Variants in NDST1 observed in about 807,000 individuals in gnomAD.
NDST1 encodes N-deacetylase and N-sulfotransferase 1.
Under a neutral mutation model 92.8 loss-of-function variants are expected in NDST1, and 35 were observed. The ratio of observed to expected loss-of-function variants is 0.38; its 90% CI spans 0.29 to 0.50. NDST1 has a LOEUF of 0.50. Ranked by LOEUF, NDST1 falls within the 20% of genes least tolerant of loss-of-function variation. The pLI, the probability that NDST1 is intolerant of heterozygous loss-of-function variation, is 0.94. For missense variants in NDST1, 822 were observed against 1,182.7 expected (o/e 0.69, Z 4.47); for synonymous variants, 493 against 500.3 (o/e 0.99, Z 0.19).
intron 5 of NDST1, chr5:150,535,444 G>A (rs944498714): frequency 6.2e-5 from 59 of 959,144 alleles, no homozygotes; most frequent in Non-Finnish European, 6.7e-5. Flanking sequence ...TGAGTCCTTT[G>A]TGCTAGAGGC....
chr5:150,545,225 A>G, intron 10 of NDST1, 87 bp from the exon 11 acceptor site: 1 of 1,474,776 alleles, frequency 6.8e-7, no homozygotes, highest in East Asian at 2.3e-5. Flanking sequence ...AGGACATTCT[A>G]CCCCAGTGCC....
chr5:150,524,125 A>T (rs770750514), intron 2 of NDST1, among the ~76,000 whole-genome samples: 1 of 152,166 alleles, frequency 6.6e-6, no homozygotes, highest in Non-Finnish European at 1.5e-5. Context: ...GACAGGTTCA[A>T]ATCTCTCTGT....
intron 1 of NDST1, among the ~76,000 whole-genome samples, chr5:150,515,355 C>T (rs907558684): frequency 3.3e-5 from 5 of 152,320 alleles, no homozygotes; most frequent in East Asian, 1.9e-4. Context: ...ATGTTGCTAA[C>T]GAATCCCAAA....
intron 1 of NDST1, among the ~76,000 whole-genome samples, chr5:150,515,765 T>C (rs1490864394): frequency 6.6e-6 from 1 of 152,154 alleles, no homozygotes; most frequent in Non-Finnish European, 1.5e-5. Flanking sequence ...CTTGAGGCCT[T>C]GGTGGCTGCA....
rs1157713865 is a variant in NDST1, at chr5:150,555,270, G to A, written c.*1938G>A. The A allele has an allele frequency of 6.5e-6, 1 of 152,998 alleles. No individual in the cohort carries two copies. 9.5% of individuals were successfully genotyped at this position (152,998 alleles called of 1,614,324 possible). A position where few individuals can be genotyped will look rare whatever the true frequency, so the allele number is the denominator to read the frequency against. On this transcript the variant is annotated 3_prime_UTR_variant, in exon 15 of 15. Coordinates refer to ENST00000261797, the MANE Select transcript of NDST1 (RefSeq NM_001543.5). Reference sequence around the variant, plus strand: ...ACTCCTTCCCAGCCAGGGTGCCTTTGAGCCTTCTCATTCCGAGGTCTGCGT... The same window carrying A: ...ACTCCTTCCCAGCCAGGGTGCCTTTAAGCCTTCTCATTCCGAGGTCTGCGT...
chr5:150,504,561 C>T (rs1303658617), upstream of NDST1, among the ~76,000 whole-genome samples: 1 of 152,192 alleles, frequency 6.6e-6, no homozygotes, highest in African/African-American at 2.4e-5. Context: ...CTGTCCCCTC[C>T]ACTGACTGCC....
chr5:150,545,643 C>T (rs1194587325), intron 11 of NDST1, among the ~76,000 whole-genome samples, 157 bp downstream of exon 11: 1 of 152,218 alleles, frequency 6.6e-6, no homozygotes, highest in African/African-American at 2.4e-5. Flanking sequence ...GAATAGAGTC[C>T]TTGGTGGAGG....
chr5:150,526,246 C>CT (rs1364807327), intron 2 of NDST1, among the ~76,000 whole-genome samples: 1 of 152,228 alleles, frequency 6.6e-6, no homozygotes, highest in Non-Finnish European at 1.5e-5. Context: ...TGAACCTCCT[C>CT]TGTGTAGCAT....
chr5:150,532,727 A>G (rs1754801991), intron 3 of NDST1, among the ~76,000 whole-genome samples: 1 of 152,026 alleles, frequency 6.6e-6, no homozygotes, highest in Non-Finnish European at 1.5e-5. Context: ...GGGTTTTGCC[A>G]TGTTGGCCAG....
At position 150,528,201 on chromosome 5, in the gene NDST1, A is replaced by G; in HGVS notation, c.911A>G (p.Lys304Arg). ...GATGCCGTGGCCTTCCTCACGGGGA[A>G]GCGCCTCTCCCTGCCATTGGACCGC... ...FVDAVAFLTG[K>R]RLSLPLDRYI... The change falls in exon 3 of 15, where the codon AAG (lysine) becomes AGG (arginine). Residue 304 changes from lysine (K) to arginine (R), a missense_variant. Transcript: ENST00000261797. 16 of 1,614,188 alleles carry G rather than the reference A, an allele frequency of 9.9e-6. No individual in the cohort carries two copies. The highest frequency in any genetic ancestry group is 1.4e-5 in the Non-Finnish European group (16 of 1,180,018).
In NDST1 at chr5:150,522,282, T is replaced by A. The variant is rs564940370; in HGVS notation, c.513+515T>A. 1.1e-4 allele frequency among the ~76,000 whole-genome samples: 17 copies of A among 152,138 alleles called. No individual in the cohort carries two copies. The East Asian group carries it at 3.1e-3, about 28-fold the overall frequency. ...TGGTGGTGGTGGAGTATGGCGTTAA[T>A]ATACCTCCTGACCCAGAGCCATTTT... On this transcript the variant is annotated intron_variant, in intron 2 of 14. Coordinates refer to ENST00000261797, the MANE Select transcript of NDST1 (RefSeq NM_001543.5).
intron 6 of NDST1, among the ~76,000 whole-genome samples, chr5:150,536,497 C>T (rs1006484253): frequency 6.6e-6 from 1 of 150,442 alleles, no homozygotes; most frequent in African/African-American, 2.5e-5. Flanking sequence ...CAAAGTGAGA[C>T]TCTGTCTCAA....
At position 150,551,632 on chromosome 5, in the gene NDST1, G is replaced by A. The variant is rs1432386762; in HGVS notation, c.2427-121G>A. 2.5e-5 allele frequency: 31 copies of A among 1,261,274 alleles called. No homozygotes were observed. In the South Asian group the frequency reaches 3.6e-4, roughly 15 times the overall value. The allele number at this position is 1,261,274 out of a possible 1,614,324, so 78.1% of individuals were successfully genotyped here. A position where few individuals can be genotyped will look rare whatever the true frequency, so the allele number is the denominator to read the frequency against. ...TGGCACATAGCTTCTGACAGTCCAT[G>A]TGGGTTCAAGAGCAGTAGATTCCCT... On this transcript the variant is annotated intron_variant, in intron 13 of 14. Coordinates refer to ENST00000261797, the MANE Select transcript of NDST1 (RefSeq NM_001543.5).
At chr5:150,499,067 C>T (rs1753119016) in intron 1 of NDST1, among the ~76,000 whole-genome samples, 1 of 152,238 alleles carries the variant, frequency 6.6e-6, no homozygotes, top group Non-Finnish European at 1.5e-5. Context: ...AGGAAGCCTT[C>T]CAAGGTACCT....
At chr5:150,530,909 T>C (rs892395623) in intron 3 of NDST1, among the ~76,000 whole-genome samples, 1 of 152,164 alleles carries the variant, frequency 6.6e-6, no homozygotes, top group Non-Finnish European at 1.5e-5. Flanking sequence ...TTTGAAGCCA[T>C]TTCTATAGAA....
chr5:150,510,210 T>C (rs1210594086), intron 1 of NDST1, among the ~76,000 whole-genome samples: 1 of 152,220 alleles, frequency 6.6e-6, no homozygotes, highest in Non-Finnish European at 1.5e-5. Context: ...TTGAGCGTGA[T>C]GGAGCAGGTA....
At position 150,528,018 on chromosome 5, in the gene NDST1, C is replaced by T. The variant is rs149727326; in HGVS notation, c.728C>T (p.Thr243Met). 65 of 1,613,552 alleles carry T rather than the reference C, an allele frequency of 4.0e-5. No homozygotes were observed. The highest frequency in any genetic ancestry group is 4.8e-5 in the Non-Finnish European group (57 of 1,179,826). ...TATGAGCCAGTGCTGCTGGCCAAGA[C>T]GCGCTCGTCTGAGTCCATCCCACAC... ...STYEPVLLAK[T>M]RSSESIPHLG... Residue 243 changes from threonine to methionine, a missense_variant, in exon 3 of 15, where the codon ACG becomes ATG. By Grantham distance (81) the Thr-to-Met change is moderately conservative (BLOSUM62 -1). Coordinates refer to ENST00000261797, the MANE Select transcript of NDST1 (RefSeq NM_001543.5).
At chr5:150,510,448 C>T (rs1753671912) in intron 1 of NDST1, among the ~76,000 whole-genome samples, 1 of 152,188 alleles carries the variant, frequency 6.6e-6, no homozygotes, top group East Asian at 1.9e-4. Flanking sequence ...GCATAACATT[C>T]TGTGTGATGG....
rs971638743 is a variant in NDST1, at chr5:150,535,486, G to C, written c.1252-214G>C. On this transcript the variant is annotated intron_variant, in intron 5 of 14. Coordinates refer to ENST00000261797, the MANE Select transcript of NDST1 (RefSeq NM_001543.5). ...ACCGGACCAAGAGTCAGGAGACCTG[G>C]GTTCTAATCCCAGCTCTGCCAGTTG... is the stretch of plus-strand genomic sequence containing the variant. 28 of 817,850 alleles carry C rather than the reference G, an allele frequency of 3.4e-5. No individual in the cohort carries two copies. The African/African-American group carries it at 5.0e-4, about 15-fold the overall frequency. 50.7% of individuals were successfully genotyped at this position (817,850 alleles called of 1,614,324 possible).
Sources: allele counts gnomAD v4.1 joint callset (sites outside exome capture counted in the v4.1 genomes callset), GRCh38; gene constraint gnomAD v4.1.1; transcripts MANE v1.5; gene names NCBI Gene and HGNC (gene_info 2026-07-23, HGNC 2026-07-21).